The following PEX13 variants were observed in gnomAD, a reference collection of about 807,000 sequenced individuals.
PEX13 encodes peroxisome biogenesis factor 13.
PEX13 carries 28 observed loss-of-function variants against 34.5 expected under a neutral mutation model. The ratio of observed to expected loss-of-function variants is 0.81; its 90% CI spans 0.60 to 1.11. The LOEUF is 1.11. Among genes scored for constraint, PEX13 ranks in the 50% most tolerant of loss-of-function variants. PEX13 has a pLI of 0.00. For synonymous variants in PEX13, 177 were observed against 175.1 expected (o/e 1.01, Z -0.09); for missense variants, 550 against 491.0 (o/e 1.12, Z -1.13).
At chr2:61,036,905 CAT>C (rs1336870634) in intron 2 of PEX13, among the ~76,000 whole-genome samples, 2 of 151,786 alleles carry the variant, frequency 1.3e-5, no homozygotes, top group Non-Finnish European at 2.9e-5. Flanking sequence ...CAAAGACACA[CAT>C]AGGCTCAAAA....
At chr2:61,026,247 G>A (rs997495947) in intron 1 of PEX13, among the ~76,000 whole-genome samples, 1 of 151,520 alleles carries the variant, frequency 6.6e-6, no homozygotes, top group Admixed American at 6.6e-5. Context: ...CCCAAGTTCT[G>A]TATTTCCATT....
intron 1 of PEX13, among the ~76,000 whole-genome samples, chr2:61,023,414 C>T (rs1312138412): frequency 6.6e-6 from 1 of 151,450 alleles, no homozygotes; most frequent in Non-Finnish European, 1.5e-5. Flanking sequence ...CACACACACA[C>T]ACACACACAC....
intron 2 of PEX13, among the ~76,000 whole-genome samples, chr2:61,033,325 A>G (rs994592500): frequency 2.0e-5 from 3 of 152,196 alleles, no homozygotes; most frequent in Admixed American, 6.5e-5. Context: ...AGCAGGATTC[A>G]TATAATAGAT....
intron 1 of PEX13, among the ~76,000 whole-genome samples, chr2:61,025,845 A>G (rs1559030966): frequency 1.3e-5 from 2 of 152,212 alleles, no homozygotes; most frequent in Non-Finnish European, 2.9e-5. Context: ...CATTCCTGCC[A>G]GGTAGTCCAT....
At chr2:61,041,342 G>A (rs1326741907) in intron 2 of PEX13, among the ~76,000 whole-genome samples, 1 of 151,848 alleles carries the variant, frequency 6.6e-6, no homozygotes, top group Non-Finnish European at 1.5e-5. Context: ...ATAAATAAAT[G>A]GAAGAACTAA....
chr2:61,022,008 A>G (rs1241810495), intron 1 of PEX13, among the ~76,000 whole-genome samples: 1 of 152,214 alleles, frequency 6.6e-6, no homozygotes, highest in Non-Finnish European at 1.5e-5. Context: ...ATCCACACCA[A>G]AACCCCATTT....
At position 61,017,767 on chromosome 2, in the gene PEX13, C is replaced by T. The variant is rs950397917; in HGVS notation, c.8C>T (p.Ser3Phe). 1.3e-6 allele frequency: 2 copies of T among 1,549,650 alleles called. No homozygotes were observed. The highest frequency in any genetic ancestry group is 1.4e-5 in the African/African-American group (1 of 73,160). The change falls in exon 1 of 4, where the codon TCC (serine) becomes TTC (phenylalanine). Residue 3 changes from serine (S) to phenylalanine (F), a missense_variant. Physicochemically the swap from Ser to Phe is radical, Grantham distance 155. Coordinates refer to ENST00000295030, the MANE Select transcript of PEX13 (RefSeq NM_002618.4). ...CGAGAGGAGGCGGAGGAGATGGCGT[C>T]CCAGCCGCCACCTCCCCCCAAACCC... MA[S>F]QPPPPPKPWE... is the part of the protein sequence containing the mutation.
intron 2 of PEX13, among the ~76,000 whole-genome samples, chr2:61,038,969 A>C (rs1448260883): frequency 2.0e-5 from 3 of 152,192 alleles, no homozygotes; most frequent in African/African-American, 7.2e-5. Flanking sequence ...GTAATAGCCA[A>C]ATCATGAGTG....
At chr2:61,040,529 T>A (rs1336636743) in intron 2 of PEX13, among the ~76,000 whole-genome samples, 1 of 151,780 alleles carries the variant, frequency 6.6e-6, no homozygotes, top group Non-Finnish European at 1.5e-5. Context: ...AGGTGGGAGT[T>A]GAACAATGAG....
intron 2 of PEX13, among the ~76,000 whole-genome samples, chr2:61,035,980 T>A (rs1271277454): frequency 1.5e-5 from 2 of 133,322 alleles, no homozygotes; most frequent in Admixed American, 7.8e-5. Context: ...CGAAACTCCA[T>A]CTTAAAAAAA....
rs773664586 is a variant in PEX13, at chr2:61,031,637, G to A, written c.311G>A (p.Gly104Asp). The A allele has an allele frequency of 1.9e-6, 3 of 1,614,128 alleles. No homozygotes were observed. Among genetic ancestry groups the A allele is most frequent in the Non-Finnish European group, 2.5e-6 (3 of 1,180,012 alleles). The change falls in exon 2 of 4, where the codon GGC becomes GAC. Residue 104 changes from glycine to aspartate, a missense_variant. By Grantham distance (94) the Gly-to-Asp change is moderately conservative. Transcript: ENST00000295030. ...SPYSYGYNGL[G>D]YNRLRVDDLP... ...TATAGTTATGGATATAATGGGCTGG[G>A]CTACAACCGCCTCCGTGTAGATGAT...
At position 61,031,361 on chromosome 2, in the gene PEX13, C is replaced by G. The variant is rs111883246; in HGVS notation, c.93-58C>G. The G allele has an allele frequency of 6.5e-5, 84 of 1,284,438 alleles. No individual in the cohort carries two copies. The African/African-American group carries it at 8.5e-4, about 13-fold the overall frequency. 79.6% of individuals were successfully genotyped at this position (1,284,438 alleles called of 1,614,324 possible). A position where few individuals can be genotyped will look rare whatever the true frequency, so the allele number is the denominator to read the frequency against. On this transcript the variant is annotated intron_variant, in intron 1 of 3. Coordinates refer to ENST00000295030, the MANE Select transcript of PEX13 (RefSeq NM_002618.4). ...GTATATAGGAGATGTTTAATACTTA[C>G]TTTGAATTGAATTTATTGTATGCTT...
chr2:61,032,131 G>C lies in PEX13; in HGVS notation c.787+18G>C, dbSNP rs1452449311. The C allele has an allele frequency of 6.6e-7, 1 of 1,526,586 alleles. No homozygotes were observed. Among genetic ancestry groups the C allele is most frequent in the African/African-American group, 1.4e-5 (1 of 73,128 alleles). 94.6% of individuals were successfully genotyped at this position (1,526,586 alleles called of 1,614,324 possible). A position where few individuals can be genotyped will look rare whatever the true frequency, so the allele number is the denominator to read the frequency against. ...AGTAACAGGTAAGAGAACTGTAAGG[G>C]AACAGGTTCAGATACCATATAACAA... On this transcript the variant is annotated intron_variant, in intron 2 of 3. Coordinates refer to ENST00000295030, the MANE Select transcript of PEX13 (RefSeq NM_002618.4).
intron 2 of PEX13, among the ~76,000 whole-genome samples, chr2:61,035,991 A>T (rs999361639): frequency 5.3e-5 from 8 of 151,720 alleles, no homozygotes; most frequent in Admixed American, 2.0e-4. Flanking sequence ...CTTAAAAAAA[A>T]AAAAAAAAGC....
chr2:61,018,314 G>A, intron 1 of PEX13: 1 of 1,548,908 alleles, frequency 6.5e-7, no homozygotes, highest in Non-Finnish European at 8.7e-7. Flanking sequence ...TTACGCAACA[G>A]GAACTCAAGC....
chr2:61,030,865 G>C (rs1680438151), intron 1 of PEX13, among the ~76,000 whole-genome samples: 1 of 152,088 alleles, frequency 6.6e-6, no homozygotes, highest in Non-Finnish European at 1.5e-5. Flanking sequence ...GGGTGGAGGG[G>C]TGGGCAGGAA....
At chr2:61,032,623 C>G (rs1392788107) in intron 2 of PEX13, among the ~76,000 whole-genome samples, 1 of 152,178 alleles carries the variant, frequency 6.6e-6, no homozygotes, top group African/African-American at 2.4e-5. Flanking sequence ...AGAGAACTCA[C>G]TTACCTAGGG....
chr2:61,045,296 T>C (rs533063550), intron 2 of PEX13, among the ~76,000 whole-genome samples: 15 of 152,364 alleles, frequency 9.8e-5, no homozygotes, highest in African/African-American at 3.6e-4. Flanking sequence ...AATATTTCAT[T>C]CTTCTAAGTA....
intron 2 of PEX13, among the ~76,000 whole-genome samples, chr2:61,035,231 G>A (rs1414066502): frequency 1.3e-5 from 2 of 152,204 alleles, no homozygotes; most frequent in Admixed American, 1.3e-4. Flanking sequence ...CAGCTGAGGG[G>A]CCTGACTGTT....
Sources: gnomAD v4.1 joint callset for allele counts (sites outside exome capture counted in the v4.1 genomes callset) on GRCh38, gnomAD v4.1.1 for gene constraint, MANE v1.5 for transcripts, NCBI Gene and HGNC (gene_info 2026-07-23, HGNC 2026-07-21) for gene names.